Variants in CTDSPL2 observed in about 807,000 individuals in gnomAD.
CTDSPL2 encodes CTD small phosphatase like 2.
Under a neutral mutation model 60.0 loss-of-function variants are expected in CTDSPL2, and 5 were observed. That is an observed-to-expected ratio of 0.08 (90% CI 0.04 to 0.18). CTDSPL2 has a LOEUF of 0.18. Ranked by LOEUF, CTDSPL2 falls within the 10% of genes least tolerant of loss-of-function variation. CTDSPL2 has a pLI of 1.00. For synonymous variants in CTDSPL2, 186 were observed against 189.3 expected (o/e 0.98, Z 0.14); for missense variants, 370 against 548.8 (o/e 0.67, Z 3.26).
In CTDSPL2 at chr15:44,528,726, CTA is replaced by C. The variant is rs1479337202; in HGVS notation, c.*4554_*4555del. ...TATATATTATCTGTAAAATATTTCACTATTTTTTTATTTTATAAATCTTTGTA... is the reference window on the plus strand; with the variant it reads ...TATATATTATCTGTAAAATATTTCACTTTTTTTATTTTATAAATCTTTGTA... On this transcript the variant is annotated 3_prime_UTR_variant, in exon 13 of 13. Coordinates refer to ENST00000260327, the MANE Select transcript of CTDSPL2 (RefSeq NM_016396.3). The C allele has an allele frequency of 1.3e-5, 2 of 152,028 alleles. No individual in the cohort carries two copies. Among genetic ancestry groups the C allele is most frequent in the Non-Finnish European group, 2.9e-5 (2 of 67,998 alleles). The allele number at this position is 152,028 out of a possible 1,614,324, so 9.4% of individuals were successfully genotyped here.
At chr15:44,430,971 G>A (rs553875740) in intron 1 of CTDSPL2, among the ~76,000 whole-genome samples, 6 of 151,812 alleles carry the variant, frequency 4.0e-5, no homozygotes, top group African/African-American at 9.7e-5. Context: ...ACAGGCACGC[G>A]CCACCACACC....
chr15:44,498,635 C>T (rs901475121), intron 7 of CTDSPL2, among the ~76,000 whole-genome samples: 5 of 152,180 alleles, frequency 3.3e-5, no homozygotes, highest in Admixed American at 3.3e-4. Context: ...CACAGTGGCT[C>T]ACGCTTGTAA....
At chr15:44,437,935 G>A (rs2080008863) in intron 1 of CTDSPL2, among the ~76,000 whole-genome samples, 1 of 152,232 alleles carries the variant, frequency 6.6e-6, no homozygotes, top group South Asian at 2.1e-4. Flanking sequence ...ATAGAGCACA[G>A]TGTGGGCAGG....
In CTDSPL2 at chr15:44,524,175, G is replaced by A. The variant is rs966661526; in HGVS notation, c.*1G>A. 6.2e-7 allele frequency: 1 copy of A among 1,610,892 alleles called. No homozygotes were observed. The highest frequency in any genetic ancestry group is 8.5e-7 in the Non-Finnish European group (1 of 1,177,228). Reference sequence around the variant, plus strand: ...GCATGATTTGCTGCCCCCAGATTAAGTACAAAGACTTGTCAAATCACTGAA... The same window carrying A: ...GCATGATTTGCTGCCCCCAGATTAAATACAAAGACTTGTCAAATCACTGAA... On this transcript the variant is annotated 3_prime_UTR_variant, in exon 13 of 13. Transcript: ENST00000260327.
At chr15:44,467,025 G>A (rs866567620) in intron 2 of CTDSPL2, among the ~76,000 whole-genome samples, 1 of 152,128 alleles carries the variant, frequency 6.6e-6, no homozygotes, top group Non-Finnish European at 1.5e-5. Flanking sequence ...ATGTTTCTCA[G>A]CATAGCTAAA....
intron 4 of CTDSPL2, among the ~76,000 whole-genome samples, chr15:44,487,993 C>A (rs1008219098): frequency 2.0e-5 from 3 of 151,682 alleles, no homozygotes; most frequent in Non-Finnish European, 4.4e-5. Context: ...TGGCATGTGC[C>A]TGTAATCCCA....
Position 44,446,553 on chromosome 15 carries a change from C to T in CTDSPL2, c.-24-12438C>T, listed in dbSNP as rs557409572. The stretch of plus-strand genomic sequence containing the variant: ...GCCAAGGCAGGAGAACTGCTTAAAC[C>T]TGGGAGGTAGAGGTTGCAGTGAGCT... On this transcript the variant is annotated intron_variant, in intron 1 of 12. Transcript: ENST00000260327. Among the ~76,000 whole-genome samples, 63 of 152,032 alleles carry T rather than the reference C, an allele frequency of 4.1e-4. No homozygotes were observed. In the South Asian group the frequency reaches 0.013, roughly 31 times the overall value.
intron 1 of CTDSPL2, among the ~76,000 whole-genome samples, chr15:44,446,625 A>G (rs1193920128): frequency 6.6e-6 from 1 of 151,698 alleles, no homozygotes; most frequent in Non-Finnish European, 1.5e-5. Flanking sequence ...GCAAGGCTCT[A>G]TCTCAAACAA....
At chr15:44,461,525 A>C (rs147196511) in intron 2 of CTDSPL2, among the ~76,000 whole-genome samples, 6 of 149,742 alleles carry the variant, frequency 4.0e-5, no homozygotes, top group Admixed American at 3.3e-4. Flanking sequence ...AATAGCTAGG[A>C]CTACAGGCAT....
chr15:44,456,008 G>A (rs1443585867), intron 1 of CTDSPL2, among the ~76,000 whole-genome samples: 5 of 151,010 alleles, frequency 3.3e-5, no homozygotes, highest in Admixed American at 6.6e-5. Context: ...CCGCCACCTC[G>A]CCCGGCTAAT....
chr15:44,476,164 GTTC>G (rs940764379), intron 2 of CTDSPL2, among the ~76,000 whole-genome samples: 6 of 152,096 alleles, frequency 3.9e-5, no homozygotes, highest in African/African-American at 1.4e-4. Context: ...CACCTCCCGG[GTTC>G]ATGCCATTCT....
intron 2 of CTDSPL2, among the ~76,000 whole-genome samples, chr15:44,468,255 TTTCTC>T (rs1461628873): frequency 1.3e-5 from 2 of 152,162 alleles, no homozygotes; most frequent in African/African-American, 2.4e-5. Context: ...TTATTTAGCT[TTTCTC>T]TTTCTTGTTT....
chr15:44,436,743 A>G (rs1255819676), intron 1 of CTDSPL2, among the ~76,000 whole-genome samples: 1 of 152,216 alleles, frequency 6.6e-6, no homozygotes, highest in African/African-American at 2.4e-5. Flanking sequence ...AAAGTTTTAC[A>G]GCAAATCTTG....
At chr15:44,450,310 T>C (rs1190620891) in intron 1 of CTDSPL2, among the ~76,000 whole-genome samples, 1 of 152,104 alleles carries the variant, frequency 6.6e-6, no homozygotes, top group African/African-American at 2.4e-5. Context: ...TAGACACTCC[T>C]TATACACTGC....
chr15:44,432,312 TA>T (rs869209577), intron 1 of CTDSPL2, among the ~76,000 whole-genome samples: 22 of 1,830 alleles, frequency 0.012, no homozygotes, highest in East Asian at 0.5. Context: ...ATTATTATTT[TA>T]TTATTATTAT....
chr15:44,450,589 A>ATTTTTT (rs36016079), intron 1 of CTDSPL2, among the ~76,000 whole-genome samples: 23 of 88,680 alleles, frequency 2.6e-4, no homozygotes, highest in Non-Finnish European at 3.5e-4. Flanking sequence ...TATATTCTTA[A>ATTTTTT]TTTTTTTTTT....
intron 4 of CTDSPL2, among the ~76,000 whole-genome samples, chr15:44,489,774 G>T (rs150564177): frequency 6.6e-6 from 1 of 152,312 alleles, no homozygotes; most frequent in African/African-American, 2.4e-5. Flanking sequence ...CGATTGAGAG[G>T]ATTCTGGCAG....
At chr15:44,469,922 C>G (rs1343284331) in intron 2 of CTDSPL2, among the ~76,000 whole-genome samples, 1 of 151,810 alleles carries the variant, frequency 6.6e-6, no homozygotes, top group Non-Finnish European at 1.5e-5. Context: ...ACAGTGAAAC[C>G]CTGTCTCTAC....
At chr15:44,499,890 GTGTA>G (rs2081359648) in intron 8 of CTDSPL2, 77 bp downstream of exon 8, 1 of 772,128 alleles carries the variant, frequency 1.3e-6, no homozygotes, top group Non-Finnish European at 2.3e-6. Context: ...TTTTTTTTGT[GTGTA>G]TGTGACATTA....
Sources: gnomAD v4.1 joint callset for allele counts (sites outside exome capture counted in the v4.1 genomes callset) on GRCh38, gnomAD v4.1.1 for gene constraint, MANE v1.5 for transcripts, NCBI Gene and HGNC (gene_info 2026-07-23, HGNC 2026-07-21) for gene names.